MYO9A: variants seen among roughly 807,000 people sequenced by gnomAD.
MYO9A encodes the protein unconventional myosin-IXa.
A neutral mutation model predicts 293.3 loss-of-function variants in MYO9A; 103 were observed. That is an observed-to-expected ratio of 0.35 (90% CI 0.30 to 0.41). The LOEUF is 0.41. Ranked by LOEUF, MYO9A falls within the 10% of genes least tolerant of loss-of-function variation. The pLI, the probability that MYO9A is intolerant of heterozygous loss-of-function variation, is 1.00. For synonymous variants in MYO9A, 1,001 were observed against 1,035.7 expected, an observed-to-expected ratio of 0.97 and a Z score of 0.64; for missense variants, 2,685 against 3,033.0, an observed-to-expected ratio of 0.89 and a Z score of 2.69.
At chr15:71,944,864 C>CA (rs1169777956) in intron 15 of MYO9A, among the ~76,000 whole-genome samples, 5 of 152,010 alleles carry the variant, frequency 3.3e-5, no homozygotes, top group Non-Finnish European at 7.4e-5. Flanking sequence ...TAATTTCTAC[C>CA]AAAAAATCTG....
chr15:71,890,580 T>C (rs1385503349), intron 26 of MYO9A: 1 of 152,100 alleles, frequency 6.6e-6, no homozygotes, highest in Admixed American at 6.5e-5. Context: ...TGTATAAAAA[T>C]GGAGTGAGAG....
chr15:71,943,695 C>T (rs2058837104), intron 15 of MYO9A, among the ~76,000 whole-genome samples: 1 of 152,084 alleles, frequency 6.6e-6, no homozygotes, highest in Non-Finnish European at 1.5e-5. Flanking sequence ...CAATCTCCCA[C>T]ACTTACTTAT....
intron 16 of MYO9A, among the ~76,000 whole-genome samples, 176 bp from the exon 17 acceptor site, chr15:71,935,660 T>C (rs747300709): frequency 6.6e-6 from 1 of 152,154 alleles, no homozygotes; most frequent in Non-Finnish European, 1.5e-5. Context: ...CGTTGTCTCA[T>C]TCAGAACAAA....
At chr15:72,068,506 T>A (rs763612927) in intron 1 of MYO9A, among the ~76,000 whole-genome samples, 1 of 152,062 alleles carries the variant, frequency 6.6e-6, no homozygotes. Context: ...TTTTTCCTTT[T>A]TGGGACAGGG....
intron 32 of MYO9A, among the ~76,000 whole-genome samples, chr15:71,874,079 A>G (rs941163828): frequency 6.6e-6 from 1 of 152,206 alleles, no homozygotes; most frequent in African/African-American, 2.4e-5. Flanking sequence ...AGTTAGGTAT[A>G]CTACTTTCAA....
At chr15:72,111,348 G>A (rs1248563603) in intron 1 of MYO9A, among the ~76,000 whole-genome samples, 2 of 150,848 alleles carry the variant, frequency 1.3e-5, no homozygotes, top group East Asian at 2.0e-4. Context: ...AATTAGCCGG[G>A]CATGGTGGCG....
intron 1 of MYO9A, among the ~76,000 whole-genome samples, chr15:72,113,413 T>C (rs2080853070): frequency 6.6e-6 from 1 of 152,158 alleles, no homozygotes; most frequent in Admixed American, 6.5e-5. Flanking sequence ...GCACATTACC[T>C]GAGAGGAAGC....
intron 15 of MYO9A, among the ~76,000 whole-genome samples, chr15:71,939,410 A>C (rs1273376717): frequency 1.3e-5 from 2 of 152,074 alleles, no homozygotes; most frequent in Non-Finnish European, 2.9e-5. Flanking sequence ...CGTGTTCATA[A>C]GTTTTTATCA....
rs142637495 is a variant in MYO9A, at chr15:71,922,113, G to A, written c.2563-5621C>T. Among the ~76,000 whole-genome samples, 241 of 152,266 alleles carry A rather than the reference G, an allele frequency of 1.6e-3. 1 individual carries two copies. Among genetic ancestry groups the A allele is most frequent in the African/African-American group, 4.8e-3 (198 of 41,562 alleles). ...CTGCCTCAGCCTCCTGAGTAGTTGAGACTACAGGCACGTGCCACCACGCCC... is the reference window on the plus strand; with the variant it reads ...CTGCCTCAGCCTCCTGAGTAGTTGAAACTACAGGCACGTGCCACCACGCCC... On this transcript the variant is annotated intron_variant, in intron 18 of 41. Transcript: ENST00000356056.
chr15:72,085,221 C>T (rs916467521), intron 1 of MYO9A, among the ~76,000 whole-genome samples: 1 of 151,962 alleles, frequency 6.6e-6, no homozygotes, highest in Admixed American at 6.6e-5. Flanking sequence ...GGTAAAGCCC[C>T]GTCTCTACTA....
chr15:71,825,261 G>A lies in MYO9A; in HGVS notation c.*1319C>T, dbSNP rs762191865. ...TTACTAATTCCCTCAACCCAGGGACGAATGGCTCTCATCCCCCTGTCCAGT... is the reference window on the plus strand; with the variant it reads ...TTACTAATTCCCTCAACCCAGGGACAAATGGCTCTCATCCCCCTGTCCAGT... On this transcript the variant is annotated 3_prime_UTR_variant, in exon 42 of 42. Coordinates refer to ENST00000356056, the MANE Select transcript of MYO9A (RefSeq NM_006901.4). The A allele has an allele frequency of 2.0e-5, 3 of 152,186 alleles. No homozygotes were observed. The highest frequency in any genetic ancestry group is 4.4e-5 in the Non-Finnish European group (3 of 68,030). The allele number at this position is 152,186 out of a possible 1,614,324, so 9.4% of individuals were successfully genotyped here.
At chr15:71,909,136 T>C (rs550260096) in intron 19 of MYO9A, among the ~76,000 whole-genome samples, 1 of 152,336 alleles carries the variant, frequency 6.6e-6, no homozygotes, top group East Asian at 1.9e-4. Flanking sequence ...GAATGTACCA[T>C]AGTTTATCCA....
intron 15 of MYO9A, among the ~76,000 whole-genome samples, chr15:71,940,554 T>A (rs2058748456): frequency 6.6e-6 from 1 of 151,088 alleles, no homozygotes; most frequent in Admixed American, 6.6e-5. Context: ...GAAATGAAAT[T>A]TTTAAAAGTA....
intron 12 of MYO9A, among the ~76,000 whole-genome samples, chr15:71,973,123 A>G (rs1213890975): frequency 3.3e-5 from 5 of 152,192 alleles, no homozygotes; most frequent in Non-Finnish European, 5.9e-5. Flanking sequence ...TGCTGGCCTC[A>G]AAGCCACCCT....
In MYO9A at chr15:71,825,382, T is replaced by C. The variant is rs2054436149; in HGVS notation, c.*1198A>G. Reference sequence around the variant, plus strand: ...TATACATACATATTTACAATAAACTTCAGTAACCAGAATATTAACAAAAAT... The same window carrying C: ...TATACATACATATTTACAATAAACTCCAGTAACCAGAATATTAACAAAAAT... On this transcript the variant is annotated 3_prime_UTR_variant, in exon 42 of 42. Coordinates refer to ENST00000356056, the MANE Select transcript of MYO9A (RefSeq NM_006901.4). 1 of 152,204 alleles carries C rather than the reference T, an allele frequency of 6.6e-6. No individual in the cohort carries two copies. Among genetic ancestry groups the C allele is most frequent in the African/African-American group, 2.4e-5 (1 of 41,456 alleles). The allele number at this position is 152,204 out of a possible 1,614,324, so 9.4% of individuals were successfully genotyped here.
At chr15:71,858,318 T>G (rs2055951680) in intron 34 of MYO9A, among the ~76,000 whole-genome samples, 1 of 152,280 alleles carries the variant, frequency 6.6e-6, no homozygotes, top group Admixed American at 6.5e-5. Context: ...ATATGTTTAT[T>G]GCGGCACTAT....
chr15:72,108,950 A>G (rs1596599344), intron 1 of MYO9A, among the ~76,000 whole-genome samples: 1 of 152,126 alleles, frequency 6.6e-6, no homozygotes, highest in East Asian at 1.9e-4. Flanking sequence ...TTTAGTAAAG[A>G]CAGGGTTTCA....
chr15:71,869,440 A>C (rs1281651715), intron 32 of MYO9A, among the ~76,000 whole-genome samples: 1 of 152,202 alleles, frequency 6.6e-6, no homozygotes, highest in African/African-American at 2.4e-5. Context: ...TATGTTCTTC[A>C]ACAATGCCAA....
chr15:71,938,780 C>A, intron 16 of MYO9A, 72 bp downstream of exon 16: 2 of 1,354,686 alleles, frequency 1.5e-6, no homozygotes, highest in African/African-American at 1.5e-5. Flanking sequence ...CTTTTAAAGT[C>A]ACAAAAATAT....
Sources: allele counts gnomAD v4.1 joint callset (sites outside exome capture counted in the v4.1 genomes callset), GRCh38; gene constraint gnomAD v4.1.1; transcripts MANE v1.5; gene names NCBI Gene and HGNC (gene_info 2026-07-23, HGNC 2026-07-21).